Variants in SCYL2 observed in about 807,000 individuals in gnomAD.
SCYL2 encodes the protein SCY1-like protein 2.
SCYL2 carries 36 observed loss-of-function variants against 100.4 expected under a neutral mutation model. The ratio of observed to expected loss-of-function variants is 0.36; its 90% CI spans 0.27 to 0.47. SCYL2 has a LOEUF of 0.47. SCYL2 is among the 20% of genes least tolerant of loss of function. The pLI is 1.00. For synonymous variants in SCYL2, 330 were observed against 359.2 expected (o/e 0.92, Z 0.92); for missense variants, 902 against 1,083.9 (o/e 0.83, Z 2.36).
chr12:100,288,394 T>TGGA (rs2096306783), intron 2 of SCYL2, among the ~76,000 whole-genome samples: 4 of 152,286 alleles, frequency 2.6e-5, no homozygotes, highest in African/African-American at 7.2e-5. Context: ...ACCATCCTCC[T>TGGA]GCCTCATTTT....
intron 1 of SCYL2, among the ~76,000 whole-genome samples, chr12:100,272,284 T>A (rs2096288513): frequency 6.6e-6 from 1 of 152,196 alleles, no homozygotes; most frequent in Non-Finnish European, 1.5e-5. Flanking sequence ...TCTTCATTAA[T>A]CAAAGGAAAA....
At position 100,267,599 on chromosome 12, in the gene SCYL2, G is replaced by A. The variant is rs1592918064; in HGVS notation, c.-222G>A. On this transcript the variant is annotated 5_prime_UTR_variant, in exon 1 of 18. Coordinates refer to ENST00000360820, the MANE Select transcript of SCYL2 (RefSeq NM_017988.6). ...GCGGTCGGCGCCCGCGCAAAGCGGG[G>A]CTGGACGAGCAGCGAGCTCCGGGGA... The A allele has an allele frequency of 6.6e-6, 1 of 152,580 alleles. No homozygotes were observed. Among genetic ancestry groups the A allele is most frequent in the Admixed American group, 6.5e-5 (1 of 15,288 alleles). The allele number at this position is 152,580 out of a possible 1,614,324, so 9.5% of individuals were successfully genotyped here.
intron 2 of SCYL2, among the ~76,000 whole-genome samples, chr12:100,289,076 A>T (rs1256817719): frequency 6.6e-6 from 1 of 152,176 alleles, no homozygotes; most frequent in African/African-American, 2.4e-5. Context: ...AAGATTGTGC[A>T]CATGAATGGC....
chr12:100,271,330 G>A (rs1218485190), intron 1 of SCYL2, among the ~76,000 whole-genome samples: 2 of 149,568 alleles, frequency 1.3e-5, no homozygotes, highest in African/African-American at 4.9e-5. Context: ...ATACAAACAG[G>A]TAAGTACTGC....
chr12:100,313,029 C>T (rs2096344053), intron 6 of SCYL2, among the ~76,000 whole-genome samples: 1 of 151,922 alleles, frequency 6.6e-6, no homozygotes. Context: ...GAAGGCCGAT[C>T]AGGGTGGGAG....
chr12:100,320,634 C>T (rs763904574), intron 10 of SCYL2, among the ~76,000 whole-genome samples: 5 of 151,890 alleles, frequency 3.3e-5, no homozygotes, highest in Non-Finnish European at 4.4e-5. Context: ...GAGAGCTCTC[C>T]CTATGTTAGC....
At chr12:100,325,682 AT>A (rs766207167) in intron 11 of SCYL2, among the ~76,000 whole-genome samples, 15 of 152,314 alleles carry the variant, frequency 9.8e-5, no homozygotes, top group Non-Finnish European at 1.5e-4. Context: ...ATATTTATTC[AT>A]TACTTACATG....
intron 3 of SCYL2, among the ~76,000 whole-genome samples, chr12:100,294,967 C>CG (rs1229475479): frequency 1.3e-5 from 2 of 151,478 alleles, no homozygotes; most frequent in African/African-American, 4.9e-5. Flanking sequence ...CAGAGGGTCT[C>CG]CTCACTTCTC....
intron 11 of SCYL2, among the ~76,000 whole-genome samples, chr12:100,325,992 G>A (rs1376821827): frequency 6.6e-6 from 1 of 151,874 alleles, no homozygotes; most frequent in East Asian, 1.9e-4. Context: ...TTTGAAAACT[G>A]GAGTTTTATT....
rs865840686 is a variant in SCYL2 at position 100,281,707 on chromosome 12, G to A, written c.-28-1236G>A. The stretch of plus-strand genomic sequence containing the variant: ...AAATTAGCCGGGCGTGGTAGCGGGC[G>A]CCTGTAGTCCCAGCTACTCGGGAGG... On this transcript the variant is annotated intron_variant, in intron 1 of 17. Transcript: ENST00000360820. 2.9e-4 allele frequency among the ~76,000 whole-genome samples: 44 copies of A among 151,980 alleles called. 1 individual carries two copies. Among genetic ancestry groups the A allele is most frequent in the Middle Eastern group, 3.4e-3 (1 of 294 alleles).
intron 1 of SCYL2, among the ~76,000 whole-genome samples, chr12:100,282,143 G>GTCTC (rs1451634091): frequency 1.3e-5 from 2 of 151,762 alleles, no homozygotes; most frequent in African/African-American, 4.8e-5. Flanking sequence ...TTGTACCTTA[G>GTCTC]TCTCCCTAGT....
At chr12:100,288,533 A>G (rs1302025913) in intron 2 of SCYL2, among the ~76,000 whole-genome samples, 1 of 151,982 alleles carries the variant, frequency 6.6e-6, no homozygotes, top group Non-Finnish European at 1.5e-5. Flanking sequence ...TCCTTTTTTT[A>G]TATATACTTA....
At chr12:100,311,559 C>G (rs764700738) in intron 5 of SCYL2, among the ~76,000 whole-genome samples, 1 of 151,958 alleles carries the variant, frequency 6.6e-6, no homozygotes, top group Non-Finnish European at 1.5e-5. Context: ...AGCTAACATT[C>G]TTATTGAAGC....
chr12:100,289,960 A>G (rs775638674), intron 2 of SCYL2, among the ~76,000 whole-genome samples: 6 of 152,316 alleles, frequency 3.9e-5, no homozygotes, highest in Middle Eastern at 3.4e-3. Context: ...GATCATATGT[A>G]TGTGTCATTG....
rs774643375 is a variant in SCYL2 at position 100,311,100 on chromosome 12, C to A, written c.537C>A (p.Ile179=). The change falls in exon 5 of 18, where the codon ATC becomes ATA. Residue 179 remains isoleucine, a synonymous_variant. Coordinates refer to ENST00000360820, the MANE Select transcript of SCYL2 (RefSeq NM_017988.6). ...HSSVKMVHGN[I]TPENIILNKS... ...GTGTGAAAATGGTGCATGGAAATAT[C>A]ACTCCTGAAAATATAATTTTGAATA... 8 of 1,604,866 alleles carry A rather than the reference C, an allele frequency of 5.0e-6. No homozygotes were observed. The South Asian group carries it at 9.0e-5, about 18-fold the overall frequency.
In SCYL2 at chr12:100,267,432, T is replaced by C; in HGVS notation, c.-389T>C. The C allele has an allele frequency of 5.4e-6, 1 of 184,582 alleles. No individual in the cohort carries two copies. The highest frequency in any genetic ancestry group is 1.1e-5 in the Non-Finnish European group (1 of 87,894). 11.4% of individuals were successfully genotyped at this position (184,582 alleles called of 1,614,324 possible). A position where few individuals can be genotyped will look rare whatever the true frequency, so the allele number is the denominator to read the frequency against. On this transcript the variant is annotated 5_prime_UTR_variant, in exon 1 of 18. Coordinates refer to ENST00000360820, the MANE Select transcript of SCYL2 (RefSeq NM_017988.6). ...GGCCGCCGGCACCGACCGACCTCCC[T>C]CACCGGCGGCTCTCTCGCCTGGGCT...
intron 13 of SCYL2, among the ~76,000 whole-genome samples, chr12:100,332,326 G>C (rs571390143): frequency 6.6e-4 from 100 of 152,284 alleles, no homozygotes; most frequent in African/African-American, 2.3e-3. Flanking sequence ...CATATTCTTT[G>C]TACAAACAGT....
chr12:100,319,231 T>G (rs2096352886), intron 10 of SCYL2: 1 of 455,922 alleles, frequency 2.2e-6, no homozygotes, highest in Non-Finnish European at 4.4e-6. Flanking sequence ...TAGATTTGCC[T>G]TCTTAAAGGT....
intron 4 of SCYL2, among the ~76,000 whole-genome samples, chr12:100,300,429 A>G (rs1381826043): frequency 2.0e-5 from 3 of 152,084 alleles, no homozygotes; most frequent in Non-Finnish European, 4.4e-5. Flanking sequence ...CATGCAATGC[A>G]TAATAATTGC....
Sources: allele counts gnomAD v4.1 joint callset (sites outside exome capture counted in the v4.1 genomes callset), GRCh38; gene constraint gnomAD v4.1.1; transcripts MANE v1.5; gene names NCBI Gene and HGNC (gene_info 2026-07-23, HGNC 2026-07-21).